FAM13A: variants seen among roughly 807,000 people sequenced by gnomAD.
FAM13A encodes the protein family with sequence similarity 13 member A, also known as protein FAM13A.
A neutral mutation model predicts 129.6 loss-of-function variants in FAM13A; 76 were observed. That is an observed-to-expected ratio of 0.59 (90% confidence interval 0.49 to 0.71). FAM13A has a LOEUF of 0.71. Ranked by LOEUF, FAM13A falls within the 30% of genes least tolerant of loss-of-function variation. The pLI, the probability that FAM13A is intolerant of heterozygous loss-of-function variation, is 0.00. For synonymous variants in FAM13A, 443 were observed against 449.9 expected (o/e 0.98, Z 0.20); for missense variants, 1,108 against 1,249.3 (o/e 0.89, Z 1.70).
At chr4:88,861,929 T>A (rs911514073) in intron 6 of FAM13A, among the ~76,000 whole-genome samples, 1 of 152,256 alleles carries the variant, frequency 6.6e-6, no homozygotes, top group Non-Finnish European at 1.5e-5. Context: ...ACACAGATAG[T>A]AAGTGATGAA....
Position 89,019,210 on chromosome 4 carries a change from T to G in FAM13A, c.427+1250A>C, listed in dbSNP as rs922114141. ...TAAAATATTTCTGGTACTTTCTTAC[T>G]TGTCCTATCTGGCCTTCTCACTTAT... On this transcript the variant is annotated intron_variant, in intron 3 of 23. Coordinates refer to ENST00000264344, the MANE Select transcript of FAM13A (RefSeq NM_014883.4). 3.9e-5 allele frequency among the ~76,000 whole-genome samples: 6 copies of G among 152,200 alleles called. No individual in the cohort carries two copies. The East Asian group carries it at 1.2e-3, about 29-fold the overall frequency.
At chr4:88,836,532 C>T (rs1021646538) in intron 7 of FAM13A, among the ~76,000 whole-genome samples, 4 of 152,122 alleles carry the variant, frequency 2.6e-5, no homozygotes, top group Non-Finnish European at 1.5e-5. Context: ...TAAAATATGG[C>T]AACAGATTTA....
At chr4:88,844,320 T>G (rs2149951496) in intron 7 of FAM13A, among the ~76,000 whole-genome samples, 1 of 152,316 alleles carries the variant, frequency 6.6e-6, no homozygotes, top group East Asian at 1.9e-4. Context: ...TGAAACTGTA[T>G]TTAATCTCAG....
At chr4:88,849,501 C>T (rs941042614) in intron 7 of FAM13A, among the ~76,000 whole-genome samples, 43 of 152,330 alleles carry the variant, frequency 2.8e-4, no homozygotes, top group African/African-American at 9.1e-4. Flanking sequence ...TTGATTTTTA[C>T]AGACTTTCTC....
intron 9 of FAM13A, among the ~76,000 whole-genome samples, chr4:88,790,228 G>C: frequency 6.6e-6 from 1 of 152,112 alleles, no homozygotes; most frequent in East Asian, 1.9e-4. Flanking sequence ...TAAGTAGGGA[G>C]TAAAGACATG....
intron 6 of FAM13A, among the ~76,000 whole-genome samples, chr4:88,876,748 C>G (rs181913233): frequency 6.6e-6 from 1 of 152,072 alleles, no homozygotes; most frequent in Non-Finnish European, 1.5e-5. Flanking sequence ...CCTGCCACCA[C>G]GCCCAGCTAA....
At chr4:88,942,834 A>G (rs1440448791) in intron 4 of FAM13A, among the ~76,000 whole-genome samples, 2 of 152,264 alleles carry the variant, frequency 1.3e-5, no homozygotes, top group East Asian at 3.9e-4. Flanking sequence ...GATATCAACA[A>G]TACACTGATG....
chr4:88,828,318 G>A (rs890505335), intron 7 of FAM13A, among the ~76,000 whole-genome samples: 2 of 151,906 alleles, frequency 1.3e-5, no homozygotes, highest in Non-Finnish European at 2.9e-5. Flanking sequence ...TTTATTTTTT[G>A]TAGAGATGAG....
rs79344747 is a variant in FAM13A at position 88,872,241 on chromosome 4, G to A, written c.844-21058C>T. Among the ~76,000 whole-genome samples, 1,142 of 152,128 alleles carry A rather than the reference G, an allele frequency of 7.5e-3. 10 individuals are homozygous for A. Among genetic ancestry groups the A allele is most frequent in the Non-Finnish European group, 0.011 (777 of 67,996 alleles). On this transcript the variant is annotated intron_variant, in intron 6 of 23. Coordinates refer to ENST00000264344, the MANE Select transcript of FAM13A (RefSeq NM_014883.4). ...GCTAGGAGAAACTGCATCAACCAACGGGCAAAATAACCAGCTAACATCATA... is the reference window on the plus strand; with the variant it reads ...GCTAGGAGAAACTGCATCAACCAACAGGCAAAATAACCAGCTAACATCATA...
chr4:88,850,877 T>C (rs1038280411), intron 7 of FAM13A, 143 bp downstream of exon 7: 11 of 660,456 alleles, frequency 1.7e-5, no homozygotes, highest in African/African-American at 1.1e-4. Flanking sequence ...TCTCAAAACA[T>C]AGAGTGAATT....
chr4:89,028,538 A>T (rs894112446), intron 2 of FAM13A, among the ~76,000 whole-genome samples: 1 of 152,064 alleles, frequency 6.6e-6, no homozygotes, highest in Non-Finnish European at 1.5e-5. Flanking sequence ...ATAAAAATAA[A>T]AAAATCAGGC....
chr4:89,019,680 G>C (rs1766978086), intron 3 of FAM13A, among the ~76,000 whole-genome samples: 1 of 146,200 alleles, frequency 6.8e-6, no homozygotes, highest in African/African-American at 2.5e-5. Context: ...AGAATTGCTT[G>C]AACCCAGGAG....
intron 3 of FAM13A, among the ~76,000 whole-genome samples, chr4:89,009,390 A>G (rs1289080310): frequency 1.3e-5 from 2 of 152,216 alleles, no homozygotes; most frequent in African/African-American, 4.8e-5. Flanking sequence ...ACAGAATGTT[A>G]AAGCAGTCTT....
At chr4:89,000,858 A>AT (rs1277013435) in intron 3 of FAM13A, among the ~76,000 whole-genome samples, 36 of 152,312 alleles carry the variant, frequency 2.4e-4, no homozygotes, top group East Asian at 1.9e-4. Flanking sequence ...TAAAATGACA[A>AT]TTTTTTTAAA....
At chr4:88,872,399 G>T (rs907600092) in intron 6 of FAM13A, among the ~76,000 whole-genome samples, 1 of 152,222 alleles carries the variant, frequency 6.6e-6, no homozygotes, top group African/African-American at 2.4e-5. Flanking sequence ...CCCATCTCAC[G>T]TGCAGAGACA....
In FAM13A at chr4:88,758,779, T is replaced by C. The variant is rs780894763; in HGVS notation, c.1701A>G (p.Ala567=). Reference sequence around the variant, plus strand: ...CTTCCCAGTTCTTTTCATCACACAATGCAGTCAGGTCCGACTGGGGCACTT... The same window carrying C: ...CTTCCCAGTTCTTTTCATCACACAACGCAGTCAGGTCCGACTGGGGCACTT... ...VSEVPQSDLT[A]LCDEKNWEEP... is the part of the protein sequence containing the mutation. The change falls in exon 14 of 24, where the codon GCA becomes GCG. Residue 567 remains alanine (A), a synonymous_variant. Transcript: ENST00000264344. 1.9e-6 allele frequency: 3 copies of C among 1,613,752 alleles called. No homozygotes were observed. Among genetic ancestry groups the C allele is most frequent in the African/African-American group, 1.3e-5 (1 of 74,898 alleles).
chr4:88,909,956 A>G (rs926297975), intron 5 of FAM13A, among the ~76,000 whole-genome samples: 4 of 152,226 alleles, frequency 2.6e-5, no homozygotes, highest in African/African-American at 9.6e-5. Context: ...ACGTTCCCAC[A>G]TTCTCAAGGT....
At position 88,989,894 on chromosome 4, in the gene FAM13A, C is replaced by T. The variant is rs1762731557; in HGVS notation, c.605+1079G>A. Reference sequence around the variant, plus strand: ...GAATTATTCAACAGTTTTCTACTTACACCTTTCTCACATGTAAGTCACCAA... The same window carrying T: ...GAATTATTCAACAGTTTTCTACTTATACCTTTCTCACATGTAAGTCACCAA... On this transcript the variant is annotated intron_variant, in intron 4 of 23. Coordinates refer to ENST00000264344, the MANE Select transcript of FAM13A (RefSeq NM_014883.4). The T allele has an allele frequency of 5.3e-5, 8 of 152,188 alleles. No homozygotes were observed. In the South Asian group the frequency reaches 1.7e-3, roughly 31 times the overall value. The allele number at this position is 152,188 out of a possible 1,614,324, so 9.4% of individuals were successfully genotyped here.
chr4:89,011,258 CAAAG>C (rs1405580539), intron 3 of FAM13A, among the ~76,000 whole-genome samples: 1 of 152,100 alleles, frequency 6.6e-6, no homozygotes, highest in Non-Finnish European at 1.5e-5. Flanking sequence ...GGAATGATGA[CAAAG>C]AAAGTATTGG....
Sources: gnomAD v4.1 joint callset for allele counts (sites outside exome capture counted in the v4.1 genomes callset) on GRCh38, gnomAD v4.1.1 for gene constraint, MANE v1.5 for transcripts, NCBI Gene and HGNC (gene_info 2026-07-23, HGNC 2026-07-21) for gene names.